The following NCK2 variants were observed in gnomAD, a reference collection of about 807,000 sequenced individuals.
NCK2 encodes cytoplasmic protein NCK2.
In NCK2, 16 loss-of-function variants were observed where a neutral mutation model predicts 33.9. The ratio of observed to expected loss-of-function variants is 0.47; its 90% confidence interval spans 0.32 to 0.72. The LOEUF (loss-of-function observed/expected upper bound fraction) is 0.72, where lower values mean the gene tolerates loss of function less well. Among genes scored for constraint, NCK2 ranks in the 30% least tolerant of loss-of-function variants. The pLI is 0.03. For missense variants in NCK2, 418 were observed against 537.3 expected, an observed-to-expected ratio of 0.78 and a Z score of 2.19; for synonymous variants, 273 against 239.9, an observed-to-expected ratio of 1.14 and a Z score of -1.27.
intron 3 of NCK2, among the ~76,000 whole-genome samples, chr2:105,862,205 C>G (rs998770452): frequency 4.6e-5 from 7 of 152,114 alleles, no homozygotes; most frequent in Admixed American, 4.6e-4. Flanking sequence ...AGAATTATGT[C>G]TAGGAAGAAT....
At chr2:105,752,036 A>G (rs1314137325) in intron 1 of NCK2, among the ~76,000 whole-genome samples, 2 of 152,226 alleles carry the variant, frequency 1.3e-5, no homozygotes, top group African/African-American at 4.8e-5. Context: ...GATAACTCAT[A>G]TTCTTTTATT....
At chr2:105,841,830 A>G (rs1558864995) in intron 2 of NCK2, among the ~76,000 whole-genome samples, 1 of 152,220 alleles carries the variant, frequency 6.6e-6, no homozygotes, top group African/African-American at 2.4e-5. Context: ...TCATTCATCA[A>G]CTGAGGCTAC....
At chr2:105,840,143 G>A (rs987862363) in intron 2 of NCK2, among the ~76,000 whole-genome samples, 2 of 152,128 alleles carry the variant, frequency 1.3e-5, no homozygotes, top group African/African-American at 4.8e-5. Context: ...TTAGGGGCAA[G>A]GGAATGTAAT....
chr2:105,778,795 T>C (rs2104396734), intron 1 of NCK2, among the ~76,000 whole-genome samples: 1 of 152,240 alleles, frequency 6.6e-6, no homozygotes, highest in African/African-American at 2.4e-5. Context: ...TGATCATAGC[T>C]CGCTGCAGCC....
chr2:105,820,291 A>G (rs1238413532), intron 2 of NCK2, among the ~76,000 whole-genome samples: 2 of 152,186 alleles, frequency 1.3e-5, no homozygotes, highest in African/African-American at 4.8e-5. Context: ...AGGGAAAGCA[A>G]CAGCTCGGTC....
chr2:105,796,736 C>T (rs1197528015), intron 1 of NCK2, among the ~76,000 whole-genome samples: 1 of 152,106 alleles, frequency 6.6e-6, no homozygotes. Flanking sequence ...ATACCTCTAT[C>T]AGATAAATTA....
At position 105,881,445 on chromosome 2, in the gene NCK2, C is replaced by T; in HGVS notation, c.344C>T (p.Pro115Leu). The T allele has an allele frequency of 1.2e-6, 2 of 1,613,636 alleles. No individual in the cohort carries two copies. Among genetic ancestry groups the T allele is most frequent in the Non-Finnish European group, 1.7e-6 (2 of 1,179,990 alleles). ...GADRIYDLNI[P>L]AFVKFAYVAE... ...GACCGCATCTACGACCTCAACATCCCGGCCTTCGTCAAGTTCGCCTATGTG... is the reference window on the plus strand; with the variant it reads ...GACCGCATCTACGACCTCAACATCCTGGCCTTCGTCAAGTTCGCCTATGTG... The change falls in exon 4 of 5, where the codon CCG (proline) becomes CTG (leucine). Residue 115 changes from proline (P) to leucine (L), a missense_variant. Coordinates refer to ENST00000233154, the MANE Select transcript of NCK2 (RefSeq NM_003581.5).
intron 2 of NCK2, among the ~76,000 whole-genome samples, chr2:105,825,694 T>C (rs1285628236): frequency 6.6e-6 from 1 of 152,232 alleles, no homozygotes; most frequent in African/African-American, 2.4e-5. Flanking sequence ...GCCCTTATTT[T>C]TGCCCAGCAG....
intron 2 of NCK2, among the ~76,000 whole-genome samples, chr2:105,835,405 A>ATATATATATATATATATG (rs70953537): frequency 1.3e-4 from 5 of 37,974 alleles, no homozygotes; most frequent in African/African-American, 3.3e-4. Context: ...ATATATATAT[A>ATATATATATATATATATG]CGTGTATATA....
rs147207862 is a variant in NCK2 at position 105,841,540 on chromosome 2, T to C, written c.-16-13508T>C. On this transcript the variant is annotated intron_variant, in intron 2 of 4. Transcript: ENST00000233154. ...TGAACCCTGTCTTTTTGGGTTTTTA[T>C]GGAAGCTTCATTGCATAGGCATGAC... Among the ~76,000 whole-genome samples, 1,153 of 152,334 alleles carry C rather than the reference T, an allele frequency of 7.6e-3. 7 individuals carry two copies. The highest frequency in any genetic ancestry group is 0.031 in the Middle Eastern group (9 of 294).
intron 1 of NCK2, among the ~76,000 whole-genome samples, chr2:105,803,005 T>C (rs1395805336): frequency 2.6e-5 from 4 of 152,196 alleles, no homozygotes; most frequent in Non-Finnish European, 5.9e-5. Context: ...GAAGTCTTTC[T>C]AGAAGAGAGC....
intron 1 of NCK2, among the ~76,000 whole-genome samples, chr2:105,772,495 T>A (rs544991355): frequency 6.6e-6 from 1 of 152,194 alleles, no homozygotes; most frequent in South Asian, 2.1e-4. Context: ...CAGATGTGCT[T>A]CTCCAGAAGT....
intron 1 of NCK2, 134 bp downstream of exon 1, chr2:105,745,272 C>T (rs1315525089): frequency 4.6e-5 from 7 of 151,638 alleles, no homozygotes; most frequent in African/African-American, 7.3e-5. Flanking sequence ...CTCCGCGCCC[C>T]TCCGGTGCTC....
chr2:105,869,477 G>A (rs923559579), intron 3 of NCK2, among the ~76,000 whole-genome samples: 2 of 152,228 alleles, frequency 1.3e-5, no homozygotes, highest in African/African-American at 4.8e-5. Flanking sequence ...AGCCAAGCAC[G>A]AGGAGGCAGA....
At chr2:105,828,544 A>G (rs1676045278) in intron 2 of NCK2, among the ~76,000 whole-genome samples, 1 of 152,218 alleles carries the variant, frequency 6.6e-6, no homozygotes, top group South Asian at 2.1e-4. Context: ...TCTGAAGTCT[A>G]AGAAACAAGG....
intron 3 of NCK2, among the ~76,000 whole-genome samples, chr2:105,872,663 A>G (rs1399792512): frequency 1.3e-5 from 2 of 152,246 alleles, no homozygotes; most frequent in Non-Finnish European, 2.9e-5. Flanking sequence ...CTCTGAAGAA[A>G]TGAAGAAAGA....
chr2:105,801,308 G>A (rs1274156984), intron 1 of NCK2, among the ~76,000 whole-genome samples: 1 of 152,102 alleles, frequency 6.6e-6, no homozygotes, highest in Non-Finnish European at 1.5e-5. Flanking sequence ...GTCATTGTAG[G>A]GATCCCCCAG....
At chr2:105,838,622 A>T (rs1676523121) in intron 2 of NCK2, among the ~76,000 whole-genome samples, 1 of 152,218 alleles carries the variant, frequency 6.6e-6, no homozygotes, top group African/African-American at 2.4e-5. Flanking sequence ...AAGAAGTGGG[A>T]TTGTTTTAAA....
At chr2:105,864,970 G>A (rs557386399) in intron 3 of NCK2, among the ~76,000 whole-genome samples, 3 of 152,084 alleles carry the variant, frequency 2.0e-5, no homozygotes, top group Admixed American at 6.5e-5. Flanking sequence ...AATAACACGA[G>A]TACCTTCAAC....
Sources: gnomAD v4.1 joint callset for allele counts (sites outside exome capture counted in the v4.1 genomes callset) on GRCh38, gnomAD v4.1.1 for gene constraint, MANE v1.5 for transcripts, NCBI Gene and HGNC (gene_info 2026-07-23, HGNC 2026-07-21) for gene names.